Variants in RHBDF2 observed in about 807,000 individuals in gnomAD.
The protein encoded by RHBDF2 is rhomboid 5 homolog 2, also known as inactive rhomboid protein 2.
RHBDF2 carries 38 observed loss-of-function variants against 95.2 expected under a neutral mutation model. The observed-to-expected ratio is 0.40, with a 90% CI of 0.31 to 0.52. The LOEUF (loss-of-function observed/expected upper bound fraction) is 0.52, where lower values mean the gene tolerates loss of function less well. Among genes scored for constraint, RHBDF2 ranks in the 20% least tolerant of loss-of-function variants. RHBDF2 has a pLI of 0.56. For synonymous variants in RHBDF2, 442 were observed against 462.0 expected (o/e 0.96, Z 0.55); for missense variants, 863 against 1,137.7 (o/e 0.76, Z 3.47).
At chr17:76,473,504 C>T (rs1598651369) in intron 15 of RHBDF2, 144 bp downstream of exon 15, 1 of 951,274 alleles carries the variant, frequency 1.1e-6, no homozygotes, top group East Asian at 2.6e-5. Flanking sequence ...ATGGGTAGCC[C>T]CAGAGCAGGG....
chr17:76,475,602 A>C (rs1199262405), intron 9 of RHBDF2, among the ~76,000 whole-genome samples: 1 of 147,476 alleles, frequency 6.8e-6, no homozygotes, highest in Middle Eastern at 3.2e-3. Flanking sequence ...TTTTTTTTTG[A>C]GACAGAGTCT....
Position 76,476,893 on chromosome 17 carries a change from C to T in RHBDF2, c.1052G>A (p.Arg351His), listed in dbSNP as rs1476270970. 4 of 1,612,858 alleles carry T rather than the reference C, an allele frequency of 2.5e-6. No individual in the cohort carries two copies. The highest frequency in any genetic ancestry group is 1.1e-5 in the South Asian group (1 of 91,082). The change falls in exon 9 of 19, where the codon CGC (arginine) becomes CAC (histidine). Residue 351 changes from arginine (R) to histidine (H), a missense_variant. By Grantham distance (29) the Arg-to-His change is conservative. Around this residue, in one of 2 missense-constraint regions of RHBDF2, gnomAD observed 611 missense variants for 725.5 expected, o/e 0.84. Coordinates refer to ENST00000675367, the MANE Select transcript of RHBDF2 (RefSeq NM_001005498.4). ...GCTGCTGATGCTGCGGCGGTAGCTG[C>T]GGTTCAGCCAGTTGCCCACCACGCC... ...GLGVVGNWLN[R>H]SYRRSISSTV... is the part of the protein sequence containing the mutation.
At chr17:76,498,458 T>C (rs1215325262) in intron 1 of RHBDF2, among the ~76,000 whole-genome samples, 1 of 152,226 alleles carries the variant, frequency 6.6e-6, no homozygotes, top group Non-Finnish European at 1.5e-5. Context: ...ACGTCTTCCC[T>C]GTGCTGTGCC....
intron 2 of RHBDF2, among the ~76,000 whole-genome samples, chr17:76,486,778 T>C (rs1240415091): frequency 6.9e-6 from 1 of 144,226 alleles, no homozygotes; most frequent in Non-Finnish European, 1.5e-5. Flanking sequence ...GACTGGTGTG[T>C]GAATTCTCTC....
chr17:76,475,436 T>C (rs1356332386), intron 9 of RHBDF2, among the ~76,000 whole-genome samples: 1 of 152,212 alleles, frequency 6.6e-6, no homozygotes, highest in East Asian at 1.9e-4. Flanking sequence ...CTGCATTTCC[T>C]GGGATGTACT....
Position 76,479,963 on chromosome 17 carries a change from G to C in RHBDF2, c.151-109C>G, listed in dbSNP as rs3826287. ...AACCCTGAGAACAAACTTCAACCCT[G>C]ATTTATGCCCCAATTTGCTTTCATT... On this transcript the variant is annotated intron_variant, in intron 3 of 18. Transcript: ENST00000675367. 0.47 allele frequency: 689,589 copies of C among 1,478,168 alleles called. 163,007 individuals are homozygous for C. The highest frequency in any genetic ancestry group is 0.63 in the East Asian group (26,000 of 41,502). 91.6% of individuals were successfully genotyped at this position (1,478,168 alleles called of 1,614,324 possible).
At chr17:76,477,438 A>AT (rs2073810064) in intron 7 of RHBDF2, 140 bp from the exon 8 acceptor site, 1 of 1,216,972 alleles carries the variant, frequency 8.2e-7, no homozygotes, top group Non-Finnish European at 1.2e-6. Flanking sequence ...CGTCAGCCCC[A>AT]ATGGTGACTT....
Position 76,479,854 on chromosome 17 carries a change from T to C in RHBDF2, c.151A>G (p.Arg51Gly). The C allele has an allele frequency of 6.2e-7, 1 of 1,612,524 alleles. No homozygotes were observed. Among genetic ancestry groups the C allele is most frequent in the Non-Finnish European group, 8.5e-7 (1 of 1,179,580 alleles). ...PGEQDSMLPERKNPAYLKSVS... is the reference protein window; with the variant it reads ...PGEQDSMLPEGKNPAYLKSVS... ...CTCTTCAAGTAGGCTGGGTTCTTCC[T>C]CTTGGGGAGGAAGGAGGGAGGGCAG... is the stretch of plus-strand genomic sequence containing the variant. The change falls in exon 4 of 19, where the codon AGG becomes GGG. Residue 51 changes from arginine to glycine, a missense_variant and splice_region_variant. Arg to Gly is a moderately radical substitution (Grantham distance 125). Coordinates refer to ENST00000675367, the MANE Select transcript of RHBDF2 (RefSeq NM_001005498.4).
Position 76,475,097 on chromosome 17 carries a change from G to A in RHBDF2, c.1160C>T (p.Thr387Met), listed in dbSNP as rs776130866. ...YWLTFVHVII[T>M]LLVICTYGIA... Reference sequence around the variant, plus strand: ...GCCATACGTGCAAATCACCAGCAGCGTGATGATGACATGGACGAAGGTCAG... The same window carrying A: ...GCCATACGTGCAAATCACCAGCAGCATGATGATGACATGGACGAAGGTCAG... The change falls in exon 10 of 19, where the codon ACG (threonine) becomes ATG (methionine). Residue 387 changes from threonine (T) to methionine (M), a missense_variant. Around this residue, in one of 2 missense-constraint regions of RHBDF2, gnomAD observed 611 missense variants for 725.5 expected, o/e 0.84. Coordinates refer to ENST00000675367, the MANE Select transcript of RHBDF2 (RefSeq NM_001005498.4). The A allele has an allele frequency of 3.1e-6, 5 of 1,601,086 alleles. 1 individual carries two copies. Among genetic ancestry groups the A allele is most frequent in the South Asian group, 2.3e-5 (2 of 88,476 alleles).
At chr17:76,479,051 CA>C in intron 5 of RHBDF2, 30 bp downstream of exon 5, 1 of 1,612,388 alleles carries the variant, frequency 6.2e-7, no homozygotes, top group Non-Finnish European at 8.5e-7. Flanking sequence ...TTAGGGTCCC[CA>C]CCCCTGCCTC....
chr17:76,500,595 C>T (rs988813035), intron 1 of RHBDF2, among the ~76,000 whole-genome samples: 1 of 152,200 alleles, frequency 6.6e-6, no homozygotes, highest in African/African-American at 2.4e-5. Context: ...GTAGCTCCAA[C>T]CCTAGAGCCC....
At chr17:76,481,720 C>T (rs1473007501) in intron 2 of RHBDF2, 175 bp from the exon 3 acceptor site, 9 of 483,784 alleles carry the variant, frequency 1.9e-5, no homozygotes, top group South Asian at 1.1e-4. Context: ...TTTGGGAGGC[C>T]GAGGTGGGGG....
In RHBDF2 at chr17:76,473,896, G is replaced by A. The variant is rs769417217; in HGVS notation, c.1581C>T (p.Cys527=). The A allele has an allele frequency of 7.4e-6, 12 of 1,613,856 alleles. No individual in the cohort carries two copies. Among genetic ancestry groups the A allele is most frequent in the East Asian group, 4.5e-5 (2 of 44,870 alleles). ...GAVCHQDPRT[C]EEPASSGAHI... ...GGGCACCGCTGGAGGCTGGCTCCTC[G>A]CAGGTCCTGGAGACAGGGTTCAGAT... is the stretch of plus-strand genomic sequence containing the variant. Residue 527 remains cysteine, a synonymous_variant, in exon 14 of 19, where the codon TGC becomes TGT. Transcript: ENST00000675367.
chr17:76,499,206 C>T (rs1043555423), intron 1 of RHBDF2, among the ~76,000 whole-genome samples: 1 of 152,052 alleles, frequency 6.6e-6, no homozygotes, highest in Non-Finnish European at 1.5e-5. Flanking sequence ...AAAAAGAACC[C>T]AAGCTCGAAA....
In RHBDF2 at chr17:76,498,787, A is replaced by AGTGTGTGTGTGT. The variant is rs1315013148; in HGVS notation, c.-220+2565_-220+2566insACACACACACAC. On this transcript the variant is annotated intron_variant, in intron 1 of 18. Transcript: ENST00000675367. Reference sequence around the variant, plus strand: ...TCCCCCTCCTGGGCTGGAGAGAAAGAGAGTGTGTGTGTGTGTGTGTGTGTG... The same window carrying AGTGTGTGTGTGT: ...TCCCCCTCCTGGGCTGGAGAGAAAGAGTGTGTGTGTGTGAGTGTGTGTGTGTGTGTGTGTGTG... 2.3e-4 allele frequency among the ~76,000 whole-genome samples: 12 copies of AGTGTGTGTGTGT among 52,882 alleles called. No homozygotes were observed. In the East Asian group the frequency reaches 6.2e-3, roughly 27 times the overall value. 34.7% of individuals were successfully genotyped at this position (52,882 alleles called of 152,430 possible). A position where few individuals can be genotyped will look rare whatever the true frequency, so the allele number is the denominator to read the frequency against.
intron 2 of RHBDF2, among the ~76,000 whole-genome samples, chr17:76,483,347 G>A (rs368146056): frequency 1.6e-4 from 25 of 151,726 alleles, no homozygotes; most frequent in Admixed American, 3.9e-4. Context: ...GTGCAGTGGC[G>A]CGATCTCGGC....
At chr17:76,485,694 C>T (rs77216362) in intron 2 of RHBDF2, among the ~76,000 whole-genome samples, 3,476 of 152,214 alleles carry the variant, frequency 0.023, 99 homozygotes, top group South Asian at 0.13. Context: ...TCTGCAGAGC[C>T]GGAGCAGGAA....
Position 76,479,248 on chromosome 17 carries a change from C to T in RHBDF2, c.302G>A (p.Gly101Asp), listed in dbSNP as rs1383012075. The change falls in exon 5 of 19, where the codon GGC becomes GAC. Residue 101 changes from glycine (G) to aspartate (D), a missense_variant. Physicochemically the swap from Gly to Asp is moderately conservative, Grantham distance 94. Coordinates refer to ENST00000675367, the MANE Select transcript of RHBDF2 (RefSeq NM_001005498.4). ...KGAAQWFGVS[G>D]DWEGQRQQWQ... The stretch of plus-strand genomic sequence containing the variant: ...CTGCTGCCGCTGCCCCTCCCAGTCG[C>T]CGCTGACTCCAAACCACTGGGCTGC... 6.2e-7 allele frequency: 1 copy of T among 1,605,934 alleles called. No homozygotes were observed. Among genetic ancestry groups the T allele is most frequent in the Non-Finnish European group, 8.5e-7 (1 of 1,179,104 alleles).
intron 1 of RHBDF2, among the ~76,000 whole-genome samples, chr17:76,495,843 T>C (rs2074415688): frequency 6.6e-6 from 1 of 152,136 alleles, no homozygotes; most frequent in South Asian, 2.1e-4. Flanking sequence ...AAACCTGATT[T>C]CCCAGAACGT....
Sources: allele counts gnomAD v4.1 joint callset (sites outside exome capture counted in the v4.1 genomes callset), GRCh38; gene constraint gnomAD v4.1.1; regional missense constraint gnomAD v4.1.1; transcripts MANE v1.5; gene names NCBI Gene and HGNC (gene_info 2026-07-23, HGNC 2026-07-21).